PICALM: variants seen among roughly 807,000 people sequenced by gnomAD.
PICALM encodes the protein phosphatidylinositol-binding clathrin assembly protein.
A neutral mutation model predicts 80.5 loss-of-function variants in PICALM; 40 were observed. That is an observed-to-expected ratio of 0.50 (90% CI 0.39 to 0.65). The LOEUF is 0.65. PICALM is among the 30% of genes least tolerant of loss of function. PICALM has a pLI of 0.00. For synonymous variants in PICALM, 288 were observed against 260.3 expected (o/e 1.11, Z -1.02); for missense variants, 676 against 778.9 (o/e 0.87, Z 1.57).
Position 86,007,943 on chromosome 11 carries a change from AG to A in PICALM, c.766-361del, listed in dbSNP as rs2095312117. On this transcript the variant is annotated intron_variant, in intron 7 of 19. Transcript: ENST00000393346. ...GAATGAGAAAGCCTGACCATGAACA[AG>A]CTCTTTGATGCAAAAAAAAAAAAAA... Among the ~76,000 whole-genome samples, 4 of 151,870 alleles carry A rather than the reference AG, an allele frequency of 2.6e-5. No homozygotes were observed. In the South Asian group the frequency reaches 8.3e-4, roughly 32 times the overall value.
rs777192572 is a variant in PICALM at position 86,019,995 on chromosome 11, G to T, written c.452+2372C>A. Among the ~76,000 whole-genome samples, 65 of 152,180 alleles carry T rather than the reference G, an allele frequency of 4.3e-4. 1 individual carries two copies. Among genetic ancestry groups the T allele is most frequent in the Non-Finnish European group, 7.5e-4 (51 of 67,998 alleles). On this transcript the variant is annotated intron_variant, in intron 4 of 19. Transcript: ENST00000393346. Reference sequence around the variant, plus strand: ...CATAGCTACAAGGGTCATCGCTGCTGCTAAGAATGTCTTCAGTGGCTTTCT... The same window carrying T: ...CATAGCTACAAGGGTCATCGCTGCTTCTAAGAATGTCTTCAGTGGCTTTCT...
Position 86,068,736 on chromosome 11 carries a change from G to A in PICALM, c.45C>T (p.His15=). The change falls in exon 1 of 20, where the codon CAC becomes CAT. Residue 15 remains histidine (H), a synonymous_variant. Coordinates refer to ENST00000393346, the MANE Select transcript of PICALM (RefSeq NM_007166.4). ...SLTDRITAAQ[H]SVTGSAVSKT... Reference sequence around the variant, plus strand: ...TGGATACGGCAGAGCCGGTGACACTGTGCTGGGCGGCAGTGATTCGGTCCG... The same window carrying A: ...TGGATACGGCAGAGCCGGTGACACTATGCTGGGCGGCAGTGATTCGGTCCG... 1.2e-6 allele frequency: 2 copies of A among 1,612,816 alleles called. No homozygotes were observed. Among genetic ancestry groups the A allele is most frequent in the Non-Finnish European group, 1.7e-6 (2 of 1,179,758 alleles).
rs574976937 is a variant in PICALM at position 86,055,042 on chromosome 11, G to C, written c.130+13609C>G. ...GGCAAAAATCTACCTTTAAAAAATT[G>C]CTTGCTGGCTGGGGGTGGTGGCTAA... On this transcript the variant is annotated intron_variant, in intron 1 of 19. Coordinates refer to ENST00000393346, the MANE Select transcript of PICALM (RefSeq NM_007166.4). 2.0e-5 allele frequency among the ~76,000 whole-genome samples: 3 copies of C among 152,094 alleles called. No homozygotes were observed. The South Asian group carries it at 6.2e-4, about 32-fold the overall frequency.
intron 11 of PICALM, among the ~76,000 whole-genome samples, chr11:85,999,987 C>G (rs1014855887): frequency 2.6e-5 from 4 of 152,166 alleles, no homozygotes; most frequent in Admixed American, 6.5e-5. Flanking sequence ...CATCTGAAAA[C>G]AAGGTTTCTC....
intron 2 of PICALM, among the ~76,000 whole-genome samples, chr11:86,030,181 T>C (rs576456558): frequency 1.3e-5 from 2 of 152,330 alleles, no homozygotes; most frequent in Admixed American, 1.3e-4. Flanking sequence ...ATATTTTATC[T>C]ACATTATGAT....
intron 1 of PICALM, among the ~76,000 whole-genome samples, chr11:86,048,987 G>A (rs1322962136): frequency 6.6e-6 from 1 of 151,748 alleles, no homozygotes; most frequent in Admixed American, 6.6e-5. Flanking sequence ...GAGGCAAAGT[G>A]ACCACGTAAA....
At chr11:85,995,884 A>C (rs1282448660) in intron 12 of PICALM, among the ~76,000 whole-genome samples, 1 of 152,144 alleles carries the variant, frequency 6.6e-6, no homozygotes. Context: ...CATTTTTAGG[A>C]ATTACTCTCA....
At chr11:85,982,708 T>A (rs1425020410) in intron 14 of PICALM, among the ~76,000 whole-genome samples, 2 of 150,936 alleles carry the variant, frequency 1.3e-5, no homozygotes, top group African/African-American at 2.4e-5. Flanking sequence ...ATTACAGGCG[T>A]GAGCCACCGC....
At chr11:85,965,300 A>G (rs1347491602) in intron 19 of PICALM, among the ~76,000 whole-genome samples, 2 of 152,224 alleles carry the variant, frequency 1.3e-5, no homozygotes, top group African/African-American at 4.8e-5. Context: ...CTGTAAGCCA[A>G]TAATTTCTCT....
intron 1 of PICALM, among the ~76,000 whole-genome samples, chr11:86,037,725 AT>A (rs900507850): frequency 9.4e-5 from 14 of 149,336 alleles, no homozygotes; most frequent in African/African-American, 3.6e-4. Context: ...TATGTGTAAT[AT>A]TTTTTTGTAT....
At chr11:85,981,313 T>C (rs1016058139) in intron 16 of PICALM, 85 bp from the exon 17 acceptor site, 23 of 813,642 alleles carry the variant, frequency 2.8e-5, no homozygotes, top group East Asian at 1.1e-4. Flanking sequence ...CAGAGTAAGA[T>C]AGAGACTTGA....
intron 19 of PICALM, among the ~76,000 whole-genome samples, chr11:85,967,560 C>T (rs2093943790): frequency 6.6e-6 from 1 of 152,198 alleles, no homozygotes; most frequent in Non-Finnish European, 1.5e-5. Context: ...CCCAAGGAAA[C>T]GTCCCTCATG....
At chr11:86,063,773 T>C (rs1346401757) in intron 1 of PICALM, among the ~76,000 whole-genome samples, 1 of 151,836 alleles carries the variant, frequency 6.6e-6, no homozygotes, top group Non-Finnish European at 1.5e-5. Flanking sequence ...GTAAGGATAA[T>C]GAAAAATGAA....
intron 1 of PICALM, among the ~76,000 whole-genome samples, chr11:86,051,108 T>A (rs1013798425): frequency 1.3e-5 from 2 of 152,172 alleles, no homozygotes; most frequent in Non-Finnish European, 2.9e-5. Context: ...AATAATGATA[T>A]AGTAGTAAAT....
chr11:85,992,003 G>A (rs2094795965), intron 12 of PICALM, among the ~76,000 whole-genome samples: 1 of 152,024 alleles, frequency 6.6e-6, no homozygotes, highest in African/African-American at 2.4e-5. Context: ...CTACAGGCAT[G>A]TGCCACCATG....
chr11:85,977,192 C>T (rs2094309523), intron 17 of PICALM, among the ~76,000 whole-genome samples: 1 of 152,162 alleles, frequency 6.6e-6, no homozygotes, highest in South Asian at 2.1e-4. Context: ...TCAAAAAACT[C>T]CAAAGGTTTC....
chr11:85,987,407 A>AT (rs535922279), intron 13 of PICALM, among the ~76,000 whole-genome samples: 271 of 152,240 alleles, frequency 1.8e-3, no homozygotes, highest in African/African-American at 6.2e-3. Context: ...AGAAAAAGAA[A>AT]TTTTTTACTA....
intron 14 of PICALM, among the ~76,000 whole-genome samples, chr11:85,983,455 C>G (rs2094498270): frequency 6.6e-6 from 1 of 152,134 alleles, no homozygotes; most frequent in African/African-American, 2.4e-5. Flanking sequence ...TTAAACAAGT[C>G]AAGGTACCAC....
At position 86,057,407 on chromosome 11, in the gene PICALM, C is replaced by G. The variant is rs780525633; in HGVS notation, c.130+11244G>C. Among the ~76,000 whole-genome samples the G allele has an allele frequency of 5.9e-5, 9 of 152,220 alleles. No individual in the cohort carries two copies. The South Asian group carries it at 1.9e-3, about 31-fold the overall frequency. On this transcript the variant is annotated intron_variant, in intron 1 of 19. Coordinates refer to ENST00000393346, the MANE Select transcript of PICALM (RefSeq NM_007166.4). Reference sequence around the variant, plus strand: ...TACAAAAATTAGCTGGGCCTGGTGGCTCGCGCCTGTAATCCCAGCTACCCG... The same window carrying G: ...TACAAAAATTAGCTGGGCCTGGTGGGTCGCGCCTGTAATCCCAGCTACCCG...
Sources: allele counts gnomAD v4.1 joint callset (sites outside exome capture counted in the v4.1 genomes callset), GRCh38; gene constraint gnomAD v4.1.1; transcripts MANE v1.5; gene names NCBI Gene and HGNC (gene_info 2026-07-23, HGNC 2026-07-21).